The following ACOT9 variants were observed in gnomAD, a reference collection of about 807,000 sequenced individuals.
ACOT9 encodes acyl-coenzyme A thioesterase 9, mitochondrial.
In ACOT9, 34 loss-of-function variants were observed where a neutral mutation model predicts 39.7. The ratio of observed to expected loss-of-function variants is 0.86; its 90% CI spans 0.65 to 1.14. The LOEUF (loss-of-function observed/expected upper bound fraction) is 1.14. Among genes scored for constraint, ACOT9 ranks in the 50% most tolerant of loss-of-function variants. The pLI, the probability that ACOT9 is intolerant of heterozygous loss-of-function variation, is 0.00. For synonymous variants in ACOT9, 110 were observed against 120.5 expected, an observed-to-expected ratio of 0.91 and a Z score of 0.57; for missense variants, 313 against 344.1, an observed-to-expected ratio of 0.91 and a Z score of 0.71.
chrX:23,727,943 A>G (rs1425506261), intron 6 of ACOT9, among the ~76,000 whole-genome samples: 3 of 102,967 alleles, frequency 2.9e-5, no homozygotes, highest in Non-Finnish European at 5.9e-5. Context: ...AGATGCAATG[A>G]GCCAAGATCG....
chrX:23,720,163 A>T (rs761067343), intron 8 of ACOT9, among the ~76,000 whole-genome samples: 7 of 112,730 alleles, frequency 6.2e-5, no homozygotes, highest in Non-Finnish European at 1.3e-4. Flanking sequence ...TCCACAATGA[A>T]ATCTTGGACA....
intron 8 of ACOT9, among the ~76,000 whole-genome samples, chrX:23,714,685 C>T (rs1425239689): frequency 2.7e-5 from 3 of 111,193 alleles, no homozygotes; most frequent in African/African-American, 9.8e-5. Context: ...AGTACAGTGG[C>T]ATGATCATGT....
At position 23,705,051 on chromosome X, in the gene ACOT9, T is replaced by C. The variant is rs747749361; in HGVS notation, c.1049A>G (p.Asp350Gly). Residue 350 changes from aspartate (D) to glycine (G), a missense_variant, in exon 14 of 16, where the codon GAT becomes GGT. Coordinates refer to ENST00000379303, the MANE Select transcript of ACOT9 (RefSeq NM_001037171.2). ...GGSRPFVVAV[D>G]DIMFQKPVEV... ...AACAGGTTTCTGAAACATGATGTCA[T>C]CTACTGCTACCACAAACGGTCGAGA... The C allele has an allele frequency of 8.3e-6, 10 of 1,209,951 alleles. No homozygotes were observed. The highest frequency in any genetic ancestry group is 2.2e-5 in the Admixed American group (1 of 45,616).
chrX:23,733,458 A>G (rs1929827400), intron 3 of ACOT9, among the ~76,000 whole-genome samples: 1 of 111,955 alleles, frequency 8.9e-6, no homozygotes. Context: ...TGTGCCAATC[A>G]CTAGGGTTTA....
At chrX:23,720,018 A>G (rs1929252087) in intron 8 of ACOT9, among the ~76,000 whole-genome samples, 1 of 111,374 alleles carries the variant, frequency 9.0e-6, no homozygotes, top group Non-Finnish European at 1.9e-5. Context: ...TATTTTTAGT[A>G]GAGACAGGGT....
chrX:23,737,872 CT>C (rs761904560), intron 1 of ACOT9, among the ~76,000 whole-genome samples: 121 of 75,105 alleles, frequency 1.6e-3, no homozygotes, highest in Admixed American at 2.2e-3. Flanking sequence ...TAATATTTGT[CT>C]TTTTTTTTTT....
At chrX:23,734,012 C>T (rs943996796) in intron 3 of ACOT9, among the ~76,000 whole-genome samples, 6 of 111,747 alleles carry the variant, frequency 5.4e-5, no homozygotes, top group Admixed American at 9.6e-5. Context: ...CCGCCTGCCT[C>T]GGCCTCCCAA....
intron 1 of ACOT9, among the ~76,000 whole-genome samples, chrX:23,737,171 G>C (rs1672083859): frequency 9.0e-6 from 1 of 110,696 alleles, no homozygotes; most frequent in Admixed American, 9.7e-5. Flanking sequence ...AAATTAGCCG[G>C]GTGTGGTGGC....
In ACOT9 at chrX:23,707,963, A is replaced by G. The variant is rs1928758106; in HGVS notation, c.663-19T>C. The stretch of plus-strand genomic sequence containing the variant: ...TGCCGGCCTAAAAAGAAGAAAAAAA[A>G]GAATATAATTTAAGATATGCCATTA... On this transcript the variant is annotated intron_variant, in intron 9 of 15. Coordinates refer to ENST00000379303, the MANE Select transcript of ACOT9 (RefSeq NM_001037171.2). 4 of 1,171,791 alleles carry G rather than the reference A, an allele frequency of 3.4e-6. No homozygotes were observed. The highest frequency in any genetic ancestry group is 4.6e-6 in the Non-Finnish European group (4 of 867,998).
In ACOT9 at chrX:23,714,321, G is replaced by T. The variant is rs754963739; in HGVS notation, c.589-1113C>A. ...GCACAGTTTATGCCTTCATAGCTGGGCACAGGAGCTCCCAAGAAGAGGTAA... is the reference window on the plus strand; with the variant it reads ...GCACAGTTTATGCCTTCATAGCTGGTCACAGGAGCTCCCAAGAAGAGGTAA... On this transcript the variant is annotated intron_variant, in intron 8 of 15. Transcript: ENST00000379303. Among the ~76,000 whole-genome samples, 3 of 111,319 alleles carry T rather than the reference G, an allele frequency of 2.7e-5. No homozygotes were observed. The South Asian group carries it at 1.1e-3, about 42-fold the overall frequency.
At chrX:23,712,233 C>G (rs199823231) in intron 9 of ACOT9, among the ~76,000 whole-genome samples, 1 of 97,995 alleles carries the variant, frequency 1.0e-5, no homozygotes, top group African/African-American at 3.8e-5. Context: ...AACACCCCCC[C>G]ATCTCTACTA....
intron 8 of ACOT9, among the ~76,000 whole-genome samples, chrX:23,715,314 G>A (rs1929039251): frequency 1.8e-5 from 2 of 111,256 alleles, no homozygotes; most frequent in African/African-American, 3.3e-5. Flanking sequence ...ACTGCCTCCT[G>A]TCTATATCTT....
At chrX:23,742,337 T>C (rs1430488466) in intron 1 of ACOT9, among the ~76,000 whole-genome samples, 1 of 108,254 alleles carries the variant, frequency 9.2e-6, no homozygotes, top group Admixed American at 9.9e-5. Flanking sequence ...ACAGGCCCAC[T>C]GGCAGCGAGA....
In ACOT9 at chrX:23,717,001, C is replaced by T. The variant is rs899780850; in HGVS notation, c.589-3793G>A. Among the ~76,000 whole-genome samples the T allele has an allele frequency of 1.1e-4, 12 of 111,579 alleles. 1 individual carries two copies. Among genetic ancestry groups the T allele is most frequent in the African/African-American group, 3.6e-4 (11 of 30,734 alleles). On this transcript the variant is annotated intron_variant, in intron 8 of 15. Transcript: ENST00000379303. ...TCCGCAGTAGCTGGGACTACGGGCACGTGGCACCACCCCCAGCTAATTTTT... is the reference window on the plus strand; with the variant it reads ...TCCGCAGTAGCTGGGACTACGGGCATGTGGCACCACCCCCAGCTAATTTTT...
intron 9 of ACOT9, among the ~76,000 whole-genome samples, chrX:23,709,346 T>C (rs891016148): frequency 8.9e-5 from 10 of 111,936 alleles, no homozygotes; most frequent in Non-Finnish European, 1.7e-4. Flanking sequence ...TGAGCCGAGA[T>C]AGCACCACTG....
chrX:23,732,400 G>C (rs1440329330), intron 4 of ACOT9, among the ~76,000 whole-genome samples: 8 of 111,920 alleles, frequency 7.1e-5, no homozygotes, highest in Non-Finnish European at 1.5e-4. Flanking sequence ...GCACGCTGAA[G>C]TGTCATGGTG....
chrX:23,707,820 C>T, intron 10 of ACOT9, 57 bp downstream of exon 10: 6 of 886,147 alleles, frequency 6.8e-6, no homozygotes, highest in Non-Finnish European at 7.9e-6. Context: ...ATAATCTCTT[C>T]TGCAGCGTAA....
At position 23,733,199 on chromosome X, in the gene ACOT9, TC is replaced by T. The variant is rs1376426613; in HGVS notation, c.163del (p.Glu55ArgfsTer2). The T allele has an allele frequency of 8.3e-7, 1 of 1,206,886 alleles. No homozygotes were observed. Among genetic ancestry groups the T allele is most frequent in the Non-Finnish European group, 1.1e-6 (1 of 893,269 alleles). On this transcript the variant is annotated frameshift_variant, in exon 4 of 16. Coordinates refer to ENST00000379303, the MANE Select transcript of ACOT9 (RefSeq NM_001037171.2). LOFTEE classifies it high-confidence loss of function. Reference protein sequence around the residue: ...HVNHVRDKLREIVGASTNWRD... With the variant: ...HVNHVRDKLRXIVGASTNWRD... ...CCAGTTTGTGGATGCTCCTACTATC[TC>T]CCGCAACTTATCTCGAACTGAAACA...
chrX:23,711,443 C>T (rs1166305457), intron 9 of ACOT9, among the ~76,000 whole-genome samples: 1 of 112,479 alleles, frequency 8.9e-6, no homozygotes, highest in Non-Finnish European at 1.9e-5. Context: ...ATTCTGAAAA[C>T]ATGTAAATAA....
Sources: allele counts gnomAD v4.1 joint callset (sites outside exome capture counted in the v4.1 genomes callset), GRCh38; gene constraint gnomAD v4.1.1; transcripts MANE v1.5; gene names NCBI Gene and HGNC (gene_info 2026-07-23, HGNC 2026-07-21).